TENM3: variants seen among roughly 807,000 people sequenced by gnomAD.
TENM3 encodes teneurin transmembrane protein 3, also known as teneurin-3.
In TENM3, 63 loss-of-function variants were observed where a neutral mutation model predicts 255.1. The observed-to-expected ratio is 0.25, with a 90% CI of 0.20 to 0.30. The LOEUF (loss-of-function observed/expected upper bound fraction) is 0.30. Among genes scored for constraint, TENM3 ranks in the 10% least tolerant of loss-of-function variants. TENM3 has a pLI of 1.00. For missense variants in TENM3, 2,929 were observed against 3,461.1 expected, an observed-to-expected ratio of 0.85 and a Z score of 3.86; for synonymous variants, 1,306 against 1,322.3, an observed-to-expected ratio of 0.99 and a Z score of 0.27.
intron 13 of TENM3, among the ~76,000 whole-genome samples, chr4:182,718,594 G>A (rs914813994): frequency 6.6e-6 from 1 of 152,176 alleles, no homozygotes; most frequent in African/African-American, 2.4e-5. Flanking sequence ...GTCAGATCAT[G>A]TACTGCAGTA....
intron 1 of TENM3, among the ~76,000 whole-genome samples, chr4:182,247,210 A>G (rs1757709356): frequency 6.6e-6 from 1 of 152,244 alleles, no homozygotes; most frequent in African/African-American, 2.4e-5. Flanking sequence ...GAGGTGCTGC[A>G]GCAAGAAATT....
intron 3 of TENM3, among the ~76,000 whole-genome samples, chr4:182,535,756 CAG>C (rs1477546742): frequency 2.7e-5 from 4 of 149,940 alleles, no homozygotes; most frequent in Admixed American, 6.6e-5. Context: ...AAAAAAAACA[CAG>C]AATTTTTTTG....
intron 3 of TENM3, among the ~76,000 whole-genome samples, chr4:182,437,272 T>C (rs1772119660): frequency 6.6e-6 from 1 of 152,192 alleles, no homozygotes; most frequent in Non-Finnish European, 1.5e-5. Flanking sequence ...AAGCTTGATC[T>C]GTAATTTTAT....
intron 1 of TENM3, among the ~76,000 whole-genome samples, chr4:182,214,023 C>T (rs1010917432): frequency 1.3e-5 from 2 of 152,102 alleles, no homozygotes; most frequent in South Asian, 4.1e-4. Flanking sequence ...AGGATGGTCT[C>T]GATCTCTTGA....
intron 13 of TENM3, among the ~76,000 whole-genome samples, chr4:182,722,588 C>T (rs1241002558): frequency 2.6e-5 from 4 of 152,036 alleles, no homozygotes; most frequent in Admixed American, 1.3e-4. Context: ...GCAAAGGAAA[C>T]GATTGTGGTG....
chr4:181,797,462 T>C, the TENM3 span, among the ~76,000 whole-genome samples: 1 of 152,168 alleles, frequency 6.6e-6, no homozygotes, highest in African/African-American at 2.4e-5. Context: ...TGATTTAGTA[T>C]GGTAGGCTCT....
the TENM3 span, among the ~76,000 whole-genome samples, chr4:182,077,996 T>A: frequency 6.6e-6 from 1 of 152,168 alleles, no homozygotes; most frequent in South Asian, 2.1e-4. Flanking sequence ...AAGCAAAAAC[T>A]GGTATCGTTC....
chr4:182,762,580 A>G (rs1236347388), intron 22 of TENM3, among the ~76,000 whole-genome samples: 1 of 152,204 alleles, frequency 6.6e-6, no homozygotes, highest in Non-Finnish European at 1.5e-5. Context: ...TCCTCTGACA[A>G]TAAAATAAAA....
chr4:182,238,235 A>G (rs1221370515), intron 1 of TENM3, among the ~76,000 whole-genome samples: 1 of 152,172 alleles, frequency 6.6e-6, no homozygotes, highest in Non-Finnish European at 1.5e-5. Context: ...TCCTCCAGCC[A>G]TACTGCAACT....
At chr4:182,668,665 C>T (rs1186451340) in intron 6 of TENM3, among the ~76,000 whole-genome samples, 1 of 152,172 alleles carries the variant, frequency 6.6e-6, no homozygotes, top group African/African-American at 2.4e-5. Flanking sequence ...AATAGATATA[C>T]TTCGCGACAC....
the TENM3 span, among the ~76,000 whole-genome samples, chr4:181,663,725 G>A: frequency 2.0e-5 from 3 of 152,150 alleles, no homozygotes; most frequent in Non-Finnish European, 2.9e-5. Flanking sequence ...GGAATGAGGG[G>A]TGGAAAGAAA....
At chr4:181,613,314 G>A in the TENM3 span, among the ~76,000 whole-genome samples, 6 of 152,156 alleles carry the variant, frequency 3.9e-5, no homozygotes, top group East Asian at 5.8e-4. Context: ...CCTTCCCCTC[G>A]GGAACTAAAC....
At chr4:182,414,236 G>T (rs941118884) in intron 3 of TENM3, among the ~76,000 whole-genome samples, 10 of 152,122 alleles carry the variant, frequency 6.6e-5, no homozygotes, top group African/African-American at 2.4e-4. Flanking sequence ...ATGCCTAATT[G>T]TGGTGAGTGG....
chr4:182,009,188 C>G, the TENM3 span, among the ~76,000 whole-genome samples: 1 of 152,092 alleles, frequency 6.6e-6, no homozygotes, highest in East Asian at 1.9e-4. Context: ...TGTCTGACAA[C>G]CCCTGTTGGA....
At chr4:181,546,908 A>T in the TENM3 span, among the ~76,000 whole-genome samples, 1 of 151,282 alleles carries the variant, frequency 6.6e-6, no homozygotes, top group East Asian at 2.0e-4. Flanking sequence ...TGTATTGGGG[A>T]AGGGATGCTT....
chr4:181,531,236 G>A, the TENM3 span, among the ~76,000 whole-genome samples: 1 of 152,094 alleles, frequency 6.6e-6, no homozygotes, highest in Non-Finnish European at 1.5e-5. Flanking sequence ...AAGGAAGGGG[G>A]AAAACAGACA....
intron 1 of TENM3, among the ~76,000 whole-genome samples, chr4:182,156,706 A>C (rs1409687603): frequency 6.6e-6 from 1 of 152,210 alleles, no homozygotes; most frequent in Non-Finnish European, 1.5e-5. Flanking sequence ...AAAAATTACA[A>C]GTCAATATAA....
At chr4:182,173,200 C>T (rs1450149) in intron 1 of TENM3, among the ~76,000 whole-genome samples, 40,716 of 152,068 alleles carry the variant, frequency 0.27, 6,858 homozygotes, top group Non-Finnish European at 0.39. Flanking sequence ...GTGCCACACA[C>T]ATAAGGGTTC....
At chr4:182,775,277 G>T in intron 24 of TENM3, 124 bp downstream of exon 24, 3 of 857,332 alleles carry the variant, frequency 3.5e-6, no homozygotes, top group Non-Finnish European at 5.5e-6. Context: ...ACCTCGCTCA[G>T]TGTGGTTCCA....
Sources: gnomAD v4.1 joint callset for allele counts (sites outside exome capture counted in the v4.1 genomes callset) on GRCh38, gnomAD v4.1.1 for gene constraint, MANE v1.5 for transcripts, NCBI Gene and HGNC (gene_info 2026-07-23, HGNC 2026-07-21) for gene names.